LARGE1: variants seen among roughly 807,000 people sequenced by gnomAD.
LARGE1 encodes LARGE xylosyl- and glucuronyltransferase 1.
A neutral mutation model predicts 87.6 loss-of-function variants in LARGE1; 43 were observed. The ratio of observed to expected loss-of-function variants is 0.49; its 90% CI spans 0.38 to 0.63. The LOEUF (loss-of-function observed/expected upper bound fraction) is 0.63, where lower values mean the gene tolerates loss of function less well. LARGE1 is among the 30% of genes least tolerant of loss of function. The pLI, the probability that LARGE1 is intolerant of heterozygous loss-of-function variation, is 0.00. For missense variants in LARGE1, 802 were observed against 1,000.2 expected, an observed-to-expected ratio of 0.80 and a Z score of 2.67; for synonymous variants, 434 against 394.6, an observed-to-expected ratio of 1.10 and a Z score of -1.18.
downstream of LARGE1, among the ~76,000 whole-genome samples, chr22:33,159,941 A>AG (rs1014013468): frequency 5.3e-5 from 8 of 151,448 alleles, no homozygotes; most frequent in African/African-American, 1.9e-4. Context: ...GTGGTAAAAA[A>AG]AAAAAAACAC....
intron 4 of LARGE1, among the ~76,000 whole-genome samples, chr22:33,609,349 G>C (rs1003762607): frequency 3.9e-5 from 6 of 152,194 alleles, no homozygotes; most frequent in Admixed American, 1.3e-4. Context: ...TAATATGCAG[G>C]ACACTCTCAG....
chr22:33,368,683 G>A (rs112584087), intron 9 of LARGE1, among the ~76,000 whole-genome samples: 3,709 of 152,070 alleles, frequency 0.024, 76 homozygotes, highest in Non-Finnish European at 0.04. Context: ...TATATATACA[G>A]GCATAACTTG....
intron 1 of LARGE1, among the ~76,000 whole-genome samples, chr22:33,825,039 A>G (rs1432875281): frequency 6.6e-6 from 1 of 152,192 alleles, no homozygotes; most frequent in Non-Finnish European, 1.5e-5. Context: ...GGTCATCTCC[A>G]GGGACCAGTC....
chr22:33,145,840 C>T, the LARGE1 span, among the ~76,000 whole-genome samples: 2 of 152,096 alleles, frequency 1.3e-5, no homozygotes, highest in South Asian at 4.1e-4. Flanking sequence ...TGACTGAAAC[C>T]AATAAAGACC....
At chr22:33,274,839 G>A (rs1490987821) in intron 14 of LARGE1, among the ~76,000 whole-genome samples, 3 of 152,138 alleles carry the variant, frequency 2.0e-5, no homozygotes, top group Non-Finnish European at 4.4e-5. Flanking sequence ...GAGCCTTCAT[G>A]TTCTCATCTA....
chr22:33,670,101 T>C lies in LARGE1; in HGVS notation c.107-19433A>G, dbSNP rs183761351. On this transcript the variant is annotated intron_variant, in intron 2 of 14. Coordinates refer to ENST00000397394, the MANE Select transcript of LARGE1 (RefSeq NM_133642.5). ...CTGTACTTGTCAACCTGTTTGTTTA[T>C]TTGATTTTCTCCAGCCAACAAGCTC... is the stretch of plus-strand genomic sequence containing the variant. Among the ~76,000 whole-genome samples the C allele has an allele frequency of 8.5e-5, 13 of 152,298 alleles. No individual in the cohort carries two copies. The East Asian group carries it at 2.5e-3, about 29-fold the overall frequency.
intron 6 of LARGE1, among the ~76,000 whole-genome samples, chr22:33,538,564 C>T (rs1238409310): frequency 6.6e-6 from 1 of 152,032 alleles, no homozygotes; most frequent in Non-Finnish European, 1.5e-5. Flanking sequence ...ATTTTGTTTC[C>T]CCATCAATTT....
At chr22:33,820,184 G>A (rs1438929850) in intron 1 of LARGE1, among the ~76,000 whole-genome samples, 2 of 152,182 alleles carry the variant, frequency 1.3e-5, no homozygotes, top group Non-Finnish European at 2.9e-5. Flanking sequence ...TAAAGGAATA[G>A]TTATGCTGAT....
chr22:33,396,844 G>T (rs2065762874), intron 7 of LARGE1, among the ~76,000 whole-genome samples: 1 of 152,180 alleles, frequency 6.6e-6, no homozygotes, highest in Non-Finnish European at 1.5e-5. Flanking sequence ...TTTGGCCAAG[G>T]TTGTGATAGA....
chr22:33,373,983 A>AG (rs2064910845), intron 9 of LARGE1, among the ~76,000 whole-genome samples: 1 of 151,700 alleles, frequency 6.6e-6, no homozygotes, highest in East Asian at 1.9e-4. Context: ...AAAAAAAAAA[A>AG]AAAAAAAAAA....
chr22:33,167,782 T>TTG (rs1922349639), intron 11 of LARGE1, among the ~76,000 whole-genome samples: 1 of 152,208 alleles, frequency 6.6e-6, no homozygotes, highest in Non-Finnish European at 1.5e-5. Flanking sequence ...CATTTCCAGC[T>TTG]AAGCCTTGGA....
At chr22:33,244,917 G>A (rs1322396430) in intron 11 of LARGE1, among the ~76,000 whole-genome samples, 1 of 151,932 alleles carries the variant, frequency 6.6e-6, no homozygotes, top group African/African-American at 2.4e-5. Context: ...GCCCCACCAA[G>A]TCTTCATACA....
intron 11 of LARGE1, among the ~76,000 whole-genome samples, chr22:33,213,527 C>T (rs1019967976): frequency 6.6e-6 from 1 of 152,102 alleles, no homozygotes; most frequent in African/African-American, 2.4e-5. Context: ...CTTATTTTAA[C>T]GAATTGCCAC....
At chr22:33,305,131 A>G (rs1934701737) in intron 11 of LARGE1, among the ~76,000 whole-genome samples, 1 of 152,192 alleles carries the variant, frequency 6.6e-6, no homozygotes, top group Non-Finnish European at 1.5e-5. Context: ...AGACATGTGT[A>G]GACAGGTACC....
intron 11 of LARGE1, among the ~76,000 whole-genome samples, 160 bp from the exon 12 acceptor site, chr22:33,304,667 C>G (rs563550357): frequency 3.3e-5 from 5 of 152,230 alleles, no homozygotes; most frequent in Admixed American, 6.5e-5. Context: ...ACCTATAAAA[C>G]AGGCATCAAA....
chr22:33,685,424 T>C (rs2081915061), intron 2 of LARGE1, among the ~76,000 whole-genome samples: 2 of 152,072 alleles, frequency 1.3e-5, no homozygotes, highest in Non-Finnish European at 2.9e-5. Flanking sequence ...TTGGGAGCAT[T>C]TGGGGGACAG....
chr22:33,620,859 G>T (rs541958418), intron 4 of LARGE1, among the ~76,000 whole-genome samples: 1 of 152,120 alleles, frequency 6.6e-6, no homozygotes, highest in Non-Finnish European at 1.5e-5. Flanking sequence ...GGAGGTTTCA[G>T]TGAGCTGAGA....
chr22:33,177,282 T>A (rs1480332344), intron 11 of LARGE1, among the ~76,000 whole-genome samples: 1 of 152,196 alleles, frequency 6.6e-6, no homozygotes, highest in East Asian at 1.9e-4. Context: ...TCTGCACATG[T>A]ACCCCAGAAC....
intron 6 of LARGE1, among the ~76,000 whole-genome samples, chr22:33,503,516 G>A (rs962418765): frequency 6.6e-6 from 1 of 152,122 alleles, no homozygotes; most frequent in African/African-American, 2.4e-5. Context: ...AAACTTTTAT[G>A]TGAGTGTTTA....
Sources: gnomAD v4.1 joint callset for allele counts (sites outside exome capture counted in the v4.1 genomes callset) on GRCh38, gnomAD v4.1.1 for gene constraint, MANE v1.5 for transcripts, NCBI Gene and HGNC (gene_info 2026-07-23, HGNC 2026-07-21) for gene names.